The following NSUN3 variants were observed in gnomAD, a reference collection of about 807,000 sequenced individuals.
NSUN3 encodes the protein tRNA (cytosine(34)-C(5))-methyltransferase, mitochondrial.
Under a neutral mutation model 36.8 loss-of-function variants are expected in NSUN3, and 24 were observed. The observed-to-expected ratio is 0.65, with a 90% CI of 0.47 to 0.92. The LOEUF is 0.92. Ranked by LOEUF, NSUN3 falls within the 40% of genes least tolerant of loss-of-function variation. The pLI, the probability that NSUN3 is intolerant of heterozygous loss-of-function variation, is 0.00. For missense variants in NSUN3, 381 were observed against 392.8 expected, an observed-to-expected ratio of 0.97 and a Z score of 0.25; for synonymous variants, 146 against 145.2, an observed-to-expected ratio of 1.01 and a Z score of -0.04.
intron 5 of NSUN3, among the ~76,000 whole-genome samples, chr3:94,106,953 A>G (rs1402082412): frequency 6.6e-6 from 1 of 152,144 alleles, no homozygotes; most frequent in East Asian, 1.9e-4. Context: ...TTGTTAAATT[A>G]TATTGTAGCA....
At chr3:94,063,166 T>C (rs769492967) in intron 1 of NSUN3, 28 bp downstream of exon 1, 1 of 1,613,216 alleles carries the variant, frequency 6.2e-7, no homozygotes, top group South Asian at 1.1e-5. Context: ...GCTGGGTACC[T>C]CTATCTGAAT....
chr3:94,114,005 T>G (rs1314571791), intron 5 of NSUN3, among the ~76,000 whole-genome samples: 3 of 152,194 alleles, frequency 2.0e-5, no homozygotes, highest in Non-Finnish European at 4.4e-5. Context: ...AGCAGCACTT[T>G]AATAGGTGGA....
intron 5 of NSUN3, among the ~76,000 whole-genome samples, chr3:94,098,629 C>G (rs1446135674): frequency 6.6e-6 from 1 of 152,202 alleles, no homozygotes; most frequent in Non-Finnish European, 1.5e-5. Flanking sequence ...TCAGCAACCT[C>G]ATTGTCTCAG....
At chr3:94,071,393 A>G (rs2077224325) in intron 2 of NSUN3, among the ~76,000 whole-genome samples, 1 of 152,226 alleles carries the variant, frequency 6.6e-6, no homozygotes, top group Non-Finnish European at 1.5e-5. Flanking sequence ...GAATGTAAAT[A>G]AAAGAGGAAA....
chr3:94,089,364 CA>C (rs1403561141), intron 3 of NSUN3, among the ~76,000 whole-genome samples: 2 of 152,080 alleles, frequency 1.3e-5, no homozygotes, highest in African/African-American at 4.8e-5. Flanking sequence ...CCACAGTTGT[CA>C]CACTAAAGTG....
At chr3:94,105,143 G>C (rs936183260) in intron 5 of NSUN3, among the ~76,000 whole-genome samples, 8 of 152,164 alleles carry the variant, frequency 5.3e-5, no homozygotes, top group African/African-American at 1.9e-4. Context: ...GGATGACCTG[G>C]CTATTTTGGG....
intron 5 of NSUN3, among the ~76,000 whole-genome samples, chr3:94,115,778 A>C (rs78787208): frequency 1.5e-3 from 231 of 152,276 alleles, no homozygotes; most frequent in Non-Finnish European, 2.2e-3. Flanking sequence ...CAGAATGCCA[A>C]ATTTTCTAAT....
intron 5 of NSUN3, 96 bp downstream of exon 5, chr3:94,095,250 G>A (rs984886185): frequency 1.6e-5 from 19 of 1,196,292 alleles, no homozygotes; most frequent in Non-Finnish European, 2.3e-5. Flanking sequence ...GGCTTGCTGT[G>A]TAGGTGTCAA....
At position 94,077,241 on chromosome 3, in the gene NSUN3, C is replaced by T. The variant is rs146251250; in HGVS notation, c.123-6866C>T. The T allele has an allele frequency of 4.6e-4, 286 of 622,524 alleles. 2 individuals carry two copies. Among genetic ancestry groups the T allele is most frequent in the African/African-American group, 3.9e-3 (211 of 54,484 alleles). The allele number at this position is 622,524 out of a possible 1,614,324, so 38.6% of individuals were successfully genotyped here. A position where few individuals can be genotyped will look rare whatever the true frequency, so the allele number is the denominator to read the frequency against. On this transcript the variant is annotated intron_variant, in intron 2 of 5. Transcript: ENST00000314622. ...CAGGAGGGGCAGGGAGGCTGCAGGC[C>T]GGATTGATTTGCATATGTTGAACCA... is the stretch of plus-strand genomic sequence containing the variant.
chr3:94,084,319 A>G lies in NSUN3; in HGVS notation c.335A>G (p.Lys112Arg). 1.9e-6 allele frequency: 3 copies of G among 1,614,118 alleles called. No individual in the cohort carries two copies. Among genetic ancestry groups the G allele is most frequent in the Middle Eastern group, 1.6e-4 (1 of 6,062 alleles). Residue 112 changes from lysine (K) to arginine (R), a missense_variant, in exon 3 of 6, where the codon AAA becomes AGA. Transcript: ENST00000314622. ...AGACACCAAATTGGAAACCTGAAAA[A>G]ATATTATCTCCTAAATGCTGCTTCT... ...SERHQIGNLK[K>R]YYLLNAASLL...
intron 2 of NSUN3, among the ~76,000 whole-genome samples, chr3:94,072,906 AACCCATC>A (rs1470044541): frequency 6.6e-6 from 1 of 151,964 alleles, no homozygotes; most frequent in African/African-American, 2.4e-5. Flanking sequence ...TGCACCCATC[AACCCATC>A]ACCTACATTA....
chr3:94,069,746 G>T (rs1258437954), intron 2 of NSUN3, among the ~76,000 whole-genome samples: 1 of 152,126 alleles, frequency 6.6e-6, no homozygotes, highest in East Asian at 1.9e-4. Context: ...ATAGTAAGTA[G>T]TTCAGAGAGC....
intron 5 of NSUN3, among the ~76,000 whole-genome samples, chr3:94,120,082 A>G (rs964433526): frequency 2.6e-5 from 4 of 152,266 alleles, no homozygotes; most frequent in Admixed American, 2.0e-4. Flanking sequence ...TGAGGCTTCT[A>G]TGTACTTTTG....
intron 5 of NSUN3, among the ~76,000 whole-genome samples, chr3:94,110,960 T>A (rs1296257151): frequency 1.3e-5 from 2 of 151,968 alleles, no homozygotes; most frequent in Non-Finnish European, 2.9e-5. Context: ...GATTCTGGAG[T>A]CTGGCCATCT....
chr3:94,078,497 AT>A, intron 2 of NSUN3, among the ~76,000 whole-genome samples: 1 of 152,014 alleles, frequency 6.6e-6, no homozygotes, highest in South Asian at 2.1e-4. Flanking sequence ...ATCCTTGTTA[AT>A]TTTCTGTCTC....
chr3:94,064,527 G>C lies in NSUN3; in HGVS notation c.103G>C (p.Asp35His). 1 of 1,604,114 alleles carries C rather than the reference G, an allele frequency of 6.2e-7. No individual in the cohort carries two copies. The highest frequency in any genetic ancestry group is 8.5e-7 in the Non-Finnish European group (1 of 1,171,002). Residue 35 changes from aspartate to histidine, a missense_variant, in exon 2 of 6, where the codon GAT (aspartate) becomes CAT (histidine). Asp to His is a moderately conservative substitution (Grantham distance 81, BLOSUM62 -1). Coordinates refer to ENST00000314622, the MANE Select transcript of NSUN3 (RefSeq NM_022072.5). ...AAAACAGTATTCCAAAGAACTCGGA[G>C]ATGCCTGGAATACAGTAAGGTTAGT... ...FEKQYSKELG[D>H]AWNTVREILT...
intron 2 of NSUN3, chr3:94,076,100 C>A: frequency 6.7e-7 from 1 of 1,481,690 alleles, no homozygotes; most frequent in South Asian, 1.1e-5. Context: ...CTCTGGTGAC[C>A]CGTCTTCTGC....
intron 2 of NSUN3, chr3:94,076,680 C>T: frequency 8.3e-7 from 1 of 1,199,658 alleles, no homozygotes; most frequent in Non-Finnish European, 1.2e-6. Context: ...GAGTTGCAGT[C>T]TCCAGAAAGA....
intron 5 of NSUN3, among the ~76,000 whole-genome samples, chr3:94,114,877 C>G (rs1451803008): frequency 6.6e-6 from 1 of 152,134 alleles, no homozygotes; most frequent in East Asian, 1.9e-4. Flanking sequence ...GGTTTTCTGT[C>G]CCTACATTAA....
Sources: gnomAD v4.1 joint callset for allele counts (sites outside exome capture counted in the v4.1 genomes callset) on GRCh38, gnomAD v4.1.1 for gene constraint, MANE v1.5 for transcripts, NCBI Gene and HGNC (gene_info 2026-07-23, HGNC 2026-07-21) for gene names.